GLT8D2: variants seen among roughly 807,000 people sequenced by gnomAD.
GLT8D2 encodes the protein glycosyltransferase 8 domain containing 2.
In GLT8D2, 45 loss-of-function variants were observed where a neutral mutation model predicts 44.5. The observed-to-expected ratio is 1.01, with a 90% CI of 0.80 to 1.30. The LOEUF is 1.30. Ranked by LOEUF, GLT8D2 falls within the 50% of genes most tolerant of loss-of-function variation. The probability of loss-of-function intolerance (pLI) is 0.00; values close to 1 mark genes in which losing one functional copy is unlikely to be tolerated. For synonymous variants in GLT8D2, 156 were observed against 157.2 expected (o/e 0.99, Z 0.06); for missense variants, 400 against 430.4 (o/e 0.93, Z 0.62).
At chr12:103,989,744 G>A (rs1872476894) in intron 10 of GLT8D2, among the ~76,000 whole-genome samples, 167 bp from the exon 11 acceptor site, 1 of 152,070 alleles carries the variant, frequency 6.6e-6, no homozygotes, top group African/African-American at 2.4e-5. Context: ...TTAGTCTCTT[G>A]TGAATCCTTC....
At chr12:104,053,776 C>CG (rs896824997), upstream of GLT8D2, among the ~76,000 whole-genome samples, 4 of 151,702 alleles carry the variant, frequency 2.6e-5, no homozygotes, top group African/African-American at 9.7e-5. Flanking sequence ...CCCAACTACT[C>CG]GGGAGGCTGA....
intron 10 of GLT8D2, among the ~76,000 whole-genome samples, chr12:103,990,078 A>AATATATATAT (rs57178471): frequency 8.2e-6 from 1 of 122,284 alleles, no homozygotes; most frequent in Non-Finnish European, 1.8e-5. Context: ...TATGTGTACA[A>AATATATATAT]ATATATATAT....
intron 3 of GLT8D2, among the ~76,000 whole-genome samples, chr12:104,016,790 G>A (rs1482384152): frequency 1.1e-4 from 12 of 113,184 alleles, no homozygotes; most frequent in African/African-American, 2.8e-4. Context: ...AAGGAAGGAA[G>A]GAAGGAAGGA....
At chr12:104,001,037 GT>G (rs1414537945) in intron 5 of GLT8D2, among the ~76,000 whole-genome samples, 1 of 152,216 alleles carries the variant, frequency 6.6e-6, no homozygotes, top group Non-Finnish European at 1.5e-5. Context: ...AAGAGATAGT[GT>G]TAACAATCTG....
chr12:104,025,216 T>C (rs1208028104), intron 1 of GLT8D2, among the ~76,000 whole-genome samples: 3 of 152,120 alleles, frequency 2.0e-5, no homozygotes, highest in Non-Finnish European at 4.4e-5. Context: ...TTTATTTTTT[T>C]CTTTTTTTTT....
At chr12:104,002,534 A>C (rs780467937) in intron 5 of GLT8D2, among the ~76,000 whole-genome samples, 1 of 152,206 alleles carries the variant, frequency 6.6e-6, no homozygotes, top group Non-Finnish European at 1.5e-5. Flanking sequence ...GCTCAGAGAG[A>C]CACTCTCCAA....
At chr12:104,030,207 T>C (rs1593558073) in intron 1 of GLT8D2, among the ~76,000 whole-genome samples, 1 of 152,180 alleles carries the variant, frequency 6.6e-6, no homozygotes, top group Non-Finnish European at 1.5e-5. Context: ...TCCACGCATA[T>C]ATGGTCAACT....
At chr12:104,050,393 A>G (rs1881598329), upstream of GLT8D2, 1 of 152,272 alleles carries the variant, frequency 6.6e-6, no homozygotes, top group South Asian at 2.1e-4. Context: ...AGTGAAAAAT[A>G]AAGTTCATGC....
intron 1 of GLT8D2, among the ~76,000 whole-genome samples, chr12:104,047,305 CT>C (rs35333809): frequency 0.06 from 7,907 of 130,756 alleles, 415 homozygotes; most frequent in East Asian, 0.33. Context: ...TCTCTTAGGC[CT>C]TTTTTTTTTT....
At chr12:103,991,819 C>A (rs1872769685) in intron 10 of GLT8D2, among the ~76,000 whole-genome samples, 1 of 84,630 alleles carries the variant, frequency 1.2e-5, no homozygotes, top group African/African-American at 4.1e-5. Context: ...ACAATTACGT[C>A]CTTTAAAAAA....
At position 104,016,771 on chromosome 12, in the gene GLT8D2, GAAA is replaced by G. The variant is rs1303585796; in HGVS notation, c.20-1669_20-1667del. Among the ~76,000 whole-genome samples, 642 of 80,592 alleles carry G rather than the reference GAAA, an allele frequency of 8.0e-3. 3 individuals are homozygous for G. Among genetic ancestry groups the G allele is most frequent in the African/African-American group, 0.019 (368 of 19,464 alleles). The allele number at this position is 80,592 out of a possible 152,430, so 52.9% of individuals were successfully genotyped here. Reference sequence around the variant, plus strand: ...AGAAAGAAAGAAAGAAAGAAAGAAAGAAAGAAGGAAGGAAGGAAGGAAGGAAGG... The same window carrying G: ...AGAAAGAAAGAAAGAAAGAAAGAAAGGAAGGAAGGAAGGAAGGAAGGAAGG... On this transcript the variant is annotated intron_variant, in intron 3 of 10. Coordinates refer to ENST00000360814, the MANE Select transcript of GLT8D2 (RefSeq NM_001384711.1).
chr12:104,023,834 T>G (rs911505427), intron 1 of GLT8D2, among the ~76,000 whole-genome samples: 1 of 152,232 alleles, frequency 6.6e-6, no homozygotes, highest in African/African-American at 2.4e-5. Flanking sequence ...ATAATGTTTT[T>G]GAGATTCATA....
At chr12:104,053,164 AC>A (rs1386453355), upstream of GLT8D2, among the ~76,000 whole-genome samples, 3 of 152,186 alleles carry the variant, frequency 2.0e-5, no homozygotes, top group African/African-American at 7.2e-5. Flanking sequence ...CTGAGCTGAC[AC>A]CTGCCCAGTG....
chr12:103,996,349 A>G (rs1037975462), intron 8 of GLT8D2, among the ~76,000 whole-genome samples: 3 of 152,228 alleles, frequency 2.0e-5, no homozygotes, highest in African/African-American at 7.2e-5. Flanking sequence ...TACAGAAAAC[A>G]TCATCTCTGA....
At chr12:104,045,942 A>T (rs1258344474) in intron 1 of GLT8D2, among the ~76,000 whole-genome samples, 8 of 144,742 alleles carry the variant, frequency 5.5e-5, no homozygotes, top group East Asian at 2.2e-4. Context: ...AAAGAAAAAG[A>T]AAGAAAGAAA....
chr12:103,996,217 A>G (rs1430598350), intron 8 of GLT8D2, among the ~76,000 whole-genome samples: 2 of 152,214 alleles, frequency 1.3e-5, no homozygotes, highest in African/African-American at 4.8e-5. Context: ...AACTTTCCTC[A>G]GTTCCATCAG....
intron 10 of GLT8D2, among the ~76,000 whole-genome samples, chr12:103,992,083 T>C (rs898142344): frequency 6.6e-6 from 1 of 152,230 alleles, no homozygotes; most frequent in Non-Finnish European, 1.5e-5. Context: ...CTTTTTAAAA[T>C]CCAAACCCTT....
At chr12:104,032,021 T>C (rs1879319146) in intron 1 of GLT8D2, among the ~76,000 whole-genome samples, 1 of 137,360 alleles carries the variant, frequency 7.3e-6, no homozygotes, top group South Asian at 2.6e-4. Context: ...CGTGGTGATG[T>C]GACAACTGTT....
At chr12:103,995,522 C>T (rs1265060503) in intron 8 of GLT8D2, among the ~76,000 whole-genome samples, 1 of 152,192 alleles carries the variant, frequency 6.6e-6, no homozygotes, top group Admixed American at 6.5e-5. Flanking sequence ...GGAGCCTTCC[C>T]TGATTACTGT....
Sources: gnomAD v4.1 joint callset for allele counts (sites outside exome capture counted in the v4.1 genomes callset) on GRCh38, gnomAD v4.1.1 for gene constraint, MANE v1.5 for transcripts, NCBI Gene and HGNC (gene_info 2026-07-23, HGNC 2026-07-21) for gene names.